Variants in CALR3 observed in about 807,000 individuals in gnomAD.
The protein encoded by CALR3 is calreticulin 3, also known as calreticulin-3.
A neutral mutation model predicts 48.7 loss-of-function variants in CALR3; 39 were observed. That is an observed-to-expected ratio of 0.80 (90% CI 0.62 to 1.05). The LOEUF is 1.05. Ranked by LOEUF, CALR3 falls within the 50% of genes least tolerant of loss-of-function variation. The probability of loss-of-function intolerance (pLI) is 0.00; values close to 1 mark genes in which losing one functional copy is unlikely to be tolerated. For synonymous variants in CALR3, 185 were observed against 172.7 expected (o/e 1.07, Z -0.56); for missense variants, 449 against 474.7 (o/e 0.95, Z 0.50).
At chr19:16,491,963 C>G (rs62118140) in intron 2 of CALR3, among the ~76,000 whole-genome samples, 3,097 of 151,412 alleles carry the variant, frequency 0.02, 104 homozygotes, top group Admixed American at 0.082. Context: ...TGAGTAGCTG[C>G]GACTACAGGC....
chr19:16,485,177 G>T lies in CALR3; in HGVS notation c.478C>A (p.Leu160Met). ...AGAGCAGTTACCTTACACCTGATCA[G>T]TTTCTTGTTTTCGTGATACTTATTC... ...FKNKYHENKK[L>M]IRCKVDGFTH... is the part of the protein sequence containing the mutation. The change falls in exon 4 of 9, where the codon CTG (leucine) becomes ATG (methionine). Residue 160 changes from leucine (L) to methionine (M), a missense_variant. Transcript: ENST00000269881. 6.2e-7 allele frequency: 1 copy of T among 1,601,740 alleles called. No homozygotes were observed. Among genetic ancestry groups the T allele is most frequent in the Non-Finnish European group, 8.6e-7 (1 of 1,168,902 alleles).
intron 2 of CALR3, 54 bp from the exon 3 acceptor site, chr19:16,490,624 G>A (rs931959765): frequency 6.7e-6 from 10 of 1,489,784 alleles, no homozygotes; most frequent in Admixed American, 1.7e-5. Flanking sequence ...GCTAAGTAAC[G>A]CAGGAAGTTA....
At chr19:16,483,195 A>G (rs769355701) in intron 5 of CALR3, among the ~76,000 whole-genome samples, 16 of 152,150 alleles carry the variant, frequency 1.1e-4, no homozygotes, top group Non-Finnish European at 1.6e-4. Flanking sequence ...TGGCAGGCAC[A>G]GGCTGGTGAC....
At chr19:16,483,712 CTG>C in intron 5 of CALR3, 1 of 542,854 alleles carries the variant, frequency 1.8e-6, no homozygotes, top group Non-Finnish European at 3.3e-6. Flanking sequence ...GAACGAAACT[CTG>C]TCTCAAAAAA....
chr19:16,482,596 C>A lies in CALR3; in HGVS notation c.787-15G>T. 6.2e-7 allele frequency: 1 copy of A among 1,614,118 alleles called. No homozygotes were observed. The highest frequency in any genetic ancestry group is 2.2e-5 in the East Asian group (1 of 44,872). On this transcript the variant is annotated splice_polypyrimidine_tract_variant and intron_variant, in intron 6 of 8. Coordinates refer to ENST00000269881, the MANE Select transcript of CALR3 (RefSeq NM_145046.5). The stretch of plus-strand genomic sequence containing the variant: ...TTCAGGCCATCCTGTATCAAAAAAA[C>A]CATATGGGGTGGTCTCAATGACATG...
intron 2 of CALR3, among the ~76,000 whole-genome samples, chr19:16,495,104 TA>T (rs1297740242): frequency 1.3e-5 from 2 of 151,614 alleles, no homozygotes; most frequent in African/African-American, 4.9e-5. Context: ...CGCACGCTTG[TA>T]ATCGCAGCTC....
rs2122133452 is a variant in CALR3, at chr19:16,485,169, C to A, written c.486G>T (p.Arg162Ser). 2 of 1,593,406 alleles carry A rather than the reference C, an allele frequency of 1.3e-6. No homozygotes were observed. The highest frequency in any genetic ancestry group is 4.5e-5 in the East Asian group (2 of 44,770). Reference sequence around the variant, plus strand: ...TGAATACAAGAGCAGTTACCTTACACCTGATCAGTTTCTTGTTTTCGTGAT... The same window carrying A: ...TGAATACAAGAGCAGTTACCTTACAACTGATCAGTTTCTTGTTTTCGTGAT... ...NKYHENKKLI[R>S]CKVDGFTHLY... Residue 162 changes from arginine to serine, a missense_variant, in exon 4 of 9, where the codon AGG becomes AGT. By Grantham distance (110) the Arg-to-Ser change is moderately radical. Transcript: ENST00000269881.
rs1568484498 is a variant in CALR3 at position 16,479,122 on chromosome 19, TG to T, written c.*8del. 6.2e-7 allele frequency: 1 copy of T among 1,614,056 alleles called. No individual in the cohort carries two copies. The highest frequency in any genetic ancestry group is 2.2e-5 in the East Asian group (1 of 44,874). ...TTTTACCAGTCATCCTTATATCCAA[TG>T]GGGATCACTAAAGTTCATTCCTTCT... On this transcript the variant is annotated 3_prime_UTR_variant, in exon 9 of 9. Transcript: ENST00000269881.
At chr19:16,479,321 C>G in intron 8 of CALR3, 47 bp from the exon 9 acceptor site, 1 of 1,610,172 alleles carries the variant, frequency 6.2e-7, no homozygotes, top group Non-Finnish European at 8.5e-7. Context: ...TGCGATGGCT[C>G]GTGCCTGTAA....
intron 2 of CALR3, among the ~76,000 whole-genome samples, chr19:16,491,660 C>T (rs2093398323): frequency 6.7e-6 from 1 of 149,436 alleles, no homozygotes; most frequent in South Asian, 2.1e-4. Flanking sequence ...GCCTGTAGTC[C>T]CAGCTACTCA....
chr19:16,480,527 G>T, intron 8 of CALR3, 87 bp downstream of exon 8: 1 of 856,356 alleles, frequency 1.2e-6, no homozygotes, highest in African/African-American at 1.7e-5. Flanking sequence ...ATTACAGCCT[G>T]GGTGACAGAG....
At chr19:16,484,364 A>G (rs2093385762) in intron 4 of CALR3, among the ~76,000 whole-genome samples, 1 of 151,584 alleles carries the variant, frequency 6.6e-6, no homozygotes, top group Non-Finnish European at 1.5e-5. Context: ...TCTAGTAGAG[A>G]CAGAGTTTCA....
rs1313895173 is a variant in CALR3 at position 16,495,749 on chromosome 19, AC to A, written c.193+1del. 6.2e-7 allele frequency: 1 copy of A among 1,611,040 alleles called. No individual in the cohort carries two copies. The highest frequency in any genetic ancestry group is 1.3e-5 in the African/African-American group (1 of 74,850). ...TCAATTTGGTCCTGATTCTACACTA[AC>A]CTTTATCTTTCTCTTTATGACCATA... On this transcript the variant is annotated splice_donor_variant, in intron 2 of 8. Transcript: ENST00000269881. LOFTEE classifies it high-confidence loss of function.
intron 7 of CALR3, among the ~76,000 whole-genome samples, chr19:16,481,797 C>A (rs2122126631): frequency 6.6e-6 from 1 of 151,800 alleles, no homozygotes; most frequent in South Asian, 2.1e-4. Flanking sequence ...CTGAGCCCAG[C>A]TGGGATCACC....
At chr19:16,483,161 G>GC (rs1187245469) in intron 5 of CALR3, among the ~76,000 whole-genome samples, 1 of 152,154 alleles carries the variant, frequency 6.6e-6, no homozygotes, top group Non-Finnish European at 1.5e-5. Flanking sequence ...TCAGATTTGA[G>GC]AAAGGAAATT....
At chr19:16,494,005 T>C (rs1189447578) in intron 2 of CALR3, among the ~76,000 whole-genome samples, 3 of 152,162 alleles carry the variant, frequency 2.0e-5, no homozygotes, top group Non-Finnish European at 4.4e-5. Flanking sequence ...TAAAAGCTCA[T>C]TGTGTTGTAC....
rs71178697 is a variant in CALR3 at position 16,482,378 on chromosome 19, CAACAAAACAA to C, written c.918+62_918+71del. 34 of 1,596,060 alleles carry C rather than the reference CAACAAAACAA, an allele frequency of 2.1e-5. 1 individual carries two copies. Among genetic ancestry groups the C allele is most frequent in the Admixed American group, 5.1e-5 (3 of 58,422 alleles). On this transcript the variant is annotated intron_variant, in intron 7 of 8. Coordinates refer to ENST00000269881, the MANE Select transcript of CALR3 (RefSeq NM_145046.5). ...TAGGTGACAGAATGAGACCCTGTCT[CAACAAAACAA>C]AACAAAACAAAACAAAACACACACA...
rs71334622 is a variant in CALR3, at chr19:16,484,178, CT to C, written c.493-64del. On this transcript the variant is annotated intron_variant, in intron 4 of 8. Transcript: ENST00000269881. ...CTCAATTTCTTTTTTCTTTTCTTTT[CT>C]TTTTTTTTTTTTTTTTGAGATGGAG... The C allele has an allele frequency of 0.18, 184,752 of 1,018,920 alleles. 22 individuals are homozygous for C. Among genetic ancestry groups the C allele is most frequent in the Middle Eastern group, 0.19 (580 of 2,996 alleles). The allele number at this position is 1,018,920 out of a possible 1,614,324, so 63.1% of individuals were successfully genotyped here.
intron 8 of CALR3, among the ~76,000 whole-genome samples, chr19:16,480,027 A>T (rs2093378053): frequency 6.6e-6 from 1 of 150,882 alleles, no homozygotes; most frequent in African/African-American, 2.4e-5. Context: ...ATATGGTGAA[A>T]CCCCGTCTCT....
Sources: gnomAD v4.1 joint callset for allele counts (sites outside exome capture counted in the v4.1 genomes callset) on GRCh38, gnomAD v4.1.1 for gene constraint, MANE v1.5 for transcripts, NCBI Gene and HGNC (gene_info 2026-07-23, HGNC 2026-07-21) for gene names.